MASTL: variants seen among roughly 807,000 people sequenced by gnomAD.
The protein encoded by MASTL is serine/threonine-protein kinase greatwall.
Under a neutral mutation model 82.5 loss-of-function variants are expected in MASTL, and 54 were observed. The ratio of observed to expected loss-of-function variants is 0.65; its 90% CI spans 0.53 to 0.82. MASTL has a LOEUF of 0.82. MASTL is among the 40% of genes least tolerant of loss of function. The probability of loss-of-function intolerance (pLI) is 0.00; values close to 1 mark genes in which losing one functional copy is unlikely to be tolerated. For synonymous variants in MASTL, 323 were observed against 368.9 expected (o/e 0.88, Z 1.43); for missense variants, 950 against 1,047.8 (o/e 0.91, Z 1.29).
At chr10:27,158,429 C>G in intron 1 of MASTL, 120 bp from the exon 2 acceptor site, 1 of 784,588 alleles carries the variant, frequency 1.3e-6, no homozygotes, top group Non-Finnish European at 2.1e-6. Flanking sequence ...ATAACTTGAG[C>G]CTAGGAAATC....
At chr10:27,158,923 G>A (rs2057481795) in intron 2 of MASTL, among the ~76,000 whole-genome samples, 1 of 152,212 alleles carries the variant, frequency 6.6e-6, no homozygotes, top group Non-Finnish European at 1.5e-5. Context: ...GACAGGCCAA[G>A]GGGCCATGGC....
intron 11 of MASTL, among the ~76,000 whole-genome samples, chr10:27,182,635 T>G (rs1316713115): frequency 6.6e-6 from 1 of 152,054 alleles, no homozygotes; most frequent in South Asian, 2.1e-4. Context: ...TTCCAGCTAC[T>G]TGGGGGCTTA....
At chr10:27,171,115 G>C (rs1432658163) in intron 8 of MASTL, 32 bp downstream of exon 8, 7 of 1,586,966 alleles carry the variant, frequency 4.4e-6, no homozygotes, top group East Asian at 4.5e-5. Flanking sequence ...ACTGTTTTTT[G>C]GATTTTAGAA....
At chr10:27,164,431 G>T (rs1329767696) in intron 4 of MASTL, among the ~76,000 whole-genome samples, 1 of 152,190 alleles carries the variant, frequency 6.6e-6, no homozygotes, top group African/African-American at 2.4e-5. Context: ...GAGCCACCAT[G>T]CCTGGATAAG....
chr10:27,161,320 T>C, intron 4 of MASTL, 138 bp downstream of exon 4: 1 of 594,348 alleles, frequency 1.7e-6, no homozygotes, highest in South Asian at 1.5e-5. Flanking sequence ...CCAGCCTAGC[T>C]AACGTGGCAA....
At chr10:27,169,232 A>G (rs1204155829) in intron 7 of MASTL, among the ~76,000 whole-genome samples, 3 of 152,092 alleles carry the variant, frequency 2.0e-5, no homozygotes, top group Non-Finnish European at 2.9e-5. Context: ...TTTTTCATTG[A>G]CTAAATTTCA....
Position 27,155,432 on chromosome 10 carries a change from T to A in MASTL, c.6T>A (p.Asp2Glu), listed in dbSNP as rs141374899. Reference sequence around the variant, plus strand: ...CCGCTGTATGCTGTCCAGCGATGGATCCCACCGCGGGAAGCAAGAAGGAGC... The same window carrying A: ...CCGCTGTATGCTGTCCAGCGATGGAACCCACCGCGGGAAGCAAGAAGGAGC... MDPTAGSKKEPG... is the reference protein window; with the variant it reads MEPTAGSKKEPG... The change falls in exon 1 of 12, where the codon GAT (aspartate) becomes GAA (glutamate). Residue 2 changes from aspartate (D) to glutamate (E), a missense_variant. Physicochemically the swap from Asp to Glu is conservative, Grantham distance 45. Coordinates refer to ENST00000375940, the MANE Select transcript of MASTL (RefSeq NM_001172303.3). 9.9e-6 allele frequency: 16 copies of A among 1,609,222 alleles called. No individual in the cohort carries two copies. Among genetic ancestry groups the A allele is most frequent in the Non-Finnish European group, 1.3e-5 (15 of 1,178,412 alleles).
intron 3 of MASTL, among the ~76,000 whole-genome samples, chr10:27,160,891 T>G (rs2057549968): frequency 6.6e-6 from 1 of 152,382 alleles, no homozygotes; most frequent in East Asian, 1.9e-4. Flanking sequence ...TAATTTATCT[T>G]TTTTGTAGAT....
At chr10:27,166,632 A>G (rs922178753) in intron 6 of MASTL, among the ~76,000 whole-genome samples, 1 of 152,106 alleles carries the variant, frequency 6.6e-6, no homozygotes, top group East Asian at 1.9e-4. Context: ...AGCATTAGCC[A>G]GATTTGGTGG....
At chr10:27,167,734 A>G (rs1459191989) in intron 7 of MASTL, among the ~76,000 whole-genome samples, 1 of 152,266 alleles carries the variant, frequency 6.6e-6, no homozygotes, top group East Asian at 1.9e-4. Flanking sequence ...TAGACCGGAA[A>G]GGTAACGTGG....
intron 9 of MASTL, among the ~76,000 whole-genome samples, chr10:27,173,968 G>A (rs1196422323): frequency 6.6e-6 from 1 of 152,124 alleles, no homozygotes. Flanking sequence ...GTCTTCAGAA[G>A]CCTATTCCTG....
chr10:27,185,979 C>T (rs2058709702), intron 11 of MASTL, among the ~76,000 whole-genome samples: 1 of 152,012 alleles, frequency 6.6e-6, no homozygotes, highest in African/African-American at 2.4e-5. Flanking sequence ...ATCCCAGCTA[C>T]TCGGGAGGCT....
intron 4 of MASTL, among the ~76,000 whole-genome samples, chr10:27,163,601 C>T (rs372396025): frequency 6.6e-6 from 1 of 150,682 alleles, no homozygotes; most frequent in Non-Finnish European, 1.5e-5. Flanking sequence ...TTTCAGTATA[C>T]TTTCATTTAT....
At chr10:27,174,726 A>G (rs9299837) in intron 9 of MASTL, among the ~76,000 whole-genome samples, 91,600 of 151,926 alleles carry the variant, frequency 0.6, 27,914 homozygotes, top group Non-Finnish European at 0.65. Flanking sequence ...ATCATCATAG[A>G]GCTGGCTTCT....
chr10:27,186,518 A>C lies in MASTL; in HGVS notation c.2622A>C (p.Val874=). The change falls in exon 12 of 12, where the codon GTA becomes GTC. Residue 874 remains valine, a synonymous_variant. Transcript: ENST00000375940. ...EARNTAQHLT[V]SGFSL Reference sequence around the variant, plus strand: ...GGAATACTGCTCAGCACCTGACTGTATCTGGATTTAGTCTGTAGCACAAAA... The same window carrying C: ...GGAATACTGCTCAGCACCTGACTGTCTCTGGATTTAGTCTGTAGCACAAAA... 1 of 1,614,038 alleles carries C rather than the reference A, an allele frequency of 6.2e-7. No homozygotes were observed. The highest frequency in any genetic ancestry group is 8.5e-7 in the Non-Finnish European group (1 of 1,179,962).
chr10:27,184,803 C>T (rs1165276961), intron 11 of MASTL, among the ~76,000 whole-genome samples: 3 of 151,914 alleles, frequency 2.0e-5, no homozygotes, highest in Non-Finnish European at 4.4e-5. Context: ...TCAAGTAATC[C>T]GCCCACCTCA....
chr10:27,186,609 A>AC lies in MASTL; in HGVS notation c.*73_*74insC. 7.9e-7 allele frequency: 1 copy of AC among 1,270,562 alleles called. No individual in the cohort carries two copies. Among genetic ancestry groups the AC allele is most frequent in the Non-Finnish European group, 1.2e-6 (1 of 866,792 alleles). The allele number at this position is 1,270,562 out of a possible 1,614,324, so 78.7% of individuals were successfully genotyped here. A position where few individuals can be genotyped will look rare whatever the true frequency, so the allele number is the denominator to read the frequency against. On this transcript the variant is annotated 3_prime_UTR_variant, in exon 12 of 12. Coordinates refer to ENST00000375940, the MANE Select transcript of MASTL (RefSeq NM_001172303.3). The stretch of plus-strand genomic sequence containing the variant: ...GCATAATTATATACTCCTTAATACT[A>AC]GATTGATCTAAGGGGGAAAGATCAT...
In MASTL at chr10:27,187,901, T is replaced by TA. The variant is rs1047526148; in HGVS notation, c.*1371dup. The stretch of plus-strand genomic sequence containing the variant: ...ACATTATCAGAAACAGATTGGTCCT[T>TA]AAAAAACAAAACATAATTTTCTTTT... On this transcript the variant is annotated 3_prime_UTR_variant, in exon 12 of 12. Transcript: ENST00000375940. 1.3e-5 allele frequency among the ~76,000 whole-genome samples: 2 copies of TA among 152,206 alleles called. No individual in the cohort carries two copies. The highest frequency in any genetic ancestry group is 1.3e-4 in the Admixed American group (2 of 15,270).
At chr10:27,164,065 C>T (rs1374228260) in intron 4 of MASTL, among the ~76,000 whole-genome samples, 6 of 150,598 alleles carry the variant, frequency 4.0e-5, no homozygotes, top group South Asian at 4.2e-4. Flanking sequence ...CTCAGCCTTC[C>T]GAGTAGCTGG....
Sources: allele counts gnomAD v4.1 joint callset (sites outside exome capture counted in the v4.1 genomes callset), GRCh38; gene constraint gnomAD v4.1.1; transcripts MANE v1.5; gene names NCBI Gene and HGNC (gene_info 2026-07-23, HGNC 2026-07-21).